WIPI2: variants seen among roughly 807,000 people sequenced by gnomAD.
The protein encoded by WIPI2 is WD repeat domain phosphoinositide-interacting protein 2.
A neutral mutation model predicts 52.3 loss-of-function variants in WIPI2; 28 were observed. That is an observed-to-expected ratio of 0.54 (90% CI 0.40 to 0.73). The LOEUF (loss-of-function observed/expected upper bound fraction) is 0.73, where lower values mean the gene tolerates loss of function less well. Among genes scored for constraint, WIPI2 ranks in the 30% least tolerant of loss-of-function variants. The pLI is 0.00. For synonymous variants in WIPI2, 268 were observed against 245.0 expected (o/e 1.09, Z -0.88); for missense variants, 506 against 602.9 (o/e 0.84, Z 1.68).
intron 2 of WIPI2, chr7:5,193,459 G>A: frequency 1.5e-6 from 1 of 673,998 alleles, no homozygotes; most frequent in Non-Finnish European, 2.1e-6. Flanking sequence ...TGAAGTGTGT[G>A]GAGACAACAG....
At chr7:5,197,496 C>T (rs1214824592) in intron 2 of WIPI2, among the ~76,000 whole-genome samples, 8 of 152,188 alleles carry the variant, frequency 5.3e-5, no homozygotes, top group Admixed American at 2.0e-4. Context: ...ATTGATACAA[C>T]AATTGATGTA....
chr7:5,193,004 T>G lies in WIPI2; in HGVS notation c.75-114T>G, dbSNP rs189171187. 6.1e-4 allele frequency: 582 copies of G among 959,790 alleles called. 6 individuals carry two copies. The African/African-American group carries it at 8.3e-3, about 14-fold the overall frequency. 59.5% of individuals were successfully genotyped at this position (959,790 alleles called of 1,614,324 possible). A position where few individuals can be genotyped will look rare whatever the true frequency, so the allele number is the denominator to read the frequency against. ...CTATAACTGTCCTGCCTTTCTTTAC[T>G]GGTAATATGATTTCCAATGTCGTAC... On this transcript the variant is annotated intron_variant, in intron 1 of 12. Coordinates refer to ENST00000288828, the MANE Select transcript of WIPI2 (RefSeq NM_015610.4).
At position 5,232,904 on chromosome 7, in the gene WIPI2, T is replaced by G. The variant is rs1344290630; in HGVS notation, c.*1957T>G. ...TTCCTTTGCCAGGTCTCTTTTGTCT[T>G]TCTTTGGGATTGGTAGTATAGAAGA... On this transcript the variant is annotated 3_prime_UTR_variant, in exon 13 of 13. Transcript: ENST00000288828. The G allele has an allele frequency of 6.6e-6, 1 of 152,314 alleles. No individual in the cohort carries two copies. Among genetic ancestry groups the G allele is most frequent in the Non-Finnish European group, 1.5e-5 (1 of 68,082 alleles). 9.4% of individuals were successfully genotyped at this position (152,314 alleles called of 1,614,324 possible).
intron 2 of WIPI2, among the ~76,000 whole-genome samples, chr7:5,193,522 G>T (rs1188771961): frequency 1.3e-5 from 2 of 152,168 alleles, no homozygotes; most frequent in African/African-American, 2.4e-5. Flanking sequence ...TGCTTATTGT[G>T]CTGGGAAGGT....
At chr7:5,198,462 T>C (rs1249345863) in intron 2 of WIPI2, among the ~76,000 whole-genome samples, 1 of 152,120 alleles carries the variant, frequency 6.6e-6, no homozygotes, top group Non-Finnish European at 1.5e-5. Context: ...TACAGGCGCC[T>C]TCCACCATGC....
At position 5,190,242 on chromosome 7, in the gene WIPI2, GC is replaced by G. The variant is rs1245252084; in HGVS notation, c.-174del. ...GCGGGGCCGCGCAGGCGTACCGGGTGCCCCGGCTCTGGAGCATAAACAAGAG... is the reference window on the plus strand; with the variant it reads ...GCGGGGCCGCGCAGGCGTACCGGGTGCCCGGCTCTGGAGCATAAACAAGAG... On this transcript the variant is annotated 5_prime_UTR_variant, in exon 1 of 13. Transcript: ENST00000288828. 1 of 319,982 alleles carries G rather than the reference GC, an allele frequency of 3.1e-6. No homozygotes were observed. Among genetic ancestry groups the G allele is most frequent in the Non-Finnish European group, 5.4e-6 (1 of 184,544 alleles). The allele number at this position is 319,982 out of a possible 1,614,324, so 19.8% of individuals were successfully genotyped here.
At chr7:5,229,794 C>T in intron 12 of WIPI2, 56 bp downstream of exon 12, 3 of 1,598,552 alleles carry the variant, frequency 1.9e-6, no homozygotes, top group South Asian at 2.2e-5. Context: ...CCGAGTGCTA[C>T]TGCCTTCTGC....
intron 8 of WIPI2, among the ~76,000 whole-genome samples, chr7:5,223,449 G>T (rs888630275): frequency 1.3e-5 from 2 of 152,082 alleles, no homozygotes; most frequent in Admixed American, 6.5e-5. Context: ...GGTGCAGCAG[G>T]TGCACCTCAG....
At chr7:5,224,222 G>A (rs1299087085) in intron 8 of WIPI2, among the ~76,000 whole-genome samples, 3 of 152,236 alleles carry the variant, frequency 2.0e-5, no homozygotes, top group African/African-American at 4.8e-5. Context: ...CCAGGGTCTT[G>A]CGTGAGCTGG....
chr7:5,229,765 G>C (rs770666726), intron 12 of WIPI2, 27 bp downstream of exon 12: 13 of 1,612,544 alleles, frequency 8.1e-6, no homozygotes, highest in Non-Finnish European at 1.1e-5. Context: ...AAACCTGGAA[G>C]GTAATTAGCC....
chr7:5,213,976 C>A (rs931430958), intron 3 of WIPI2, among the ~76,000 whole-genome samples: 1 of 152,214 alleles, frequency 6.6e-6, no homozygotes, highest in African/African-American at 2.4e-5. Flanking sequence ...TGAGCCACCG[C>A]GCCCGGCCCC....
At chr7:5,202,038 G>A (rs188008990) in intron 3 of WIPI2, among the ~76,000 whole-genome samples, 168 of 152,068 alleles carry the variant, frequency 1.1e-3, no homozygotes, top group African/African-American at 3.9e-3. Flanking sequence ...TTTTTCTATA[G>A]GTGGACTCAG....
In WIPI2 at chr7:5,231,038, G is replaced by A. The variant is rs771322664; in HGVS notation, c.*91G>A. On this transcript the variant is annotated 3_prime_UTR_variant, in exon 13 of 13. Coordinates refer to ENST00000288828, the MANE Select transcript of WIPI2 (RefSeq NM_015610.4). ...GCTGCTATGAACTTTGACCTGAGTC[G>A]GGGGAGAGGATGGCAGAGACTTTAT... is the stretch of plus-strand genomic sequence containing the variant. 3.7e-6 allele frequency: 4 copies of A among 1,072,072 alleles called. No homozygotes were observed. Among genetic ancestry groups the A allele is most frequent in the East Asian group, 2.8e-5 (1 of 35,584 alleles). 66.4% of individuals were successfully genotyped at this position (1,072,072 alleles called of 1,614,324 possible). A position where few individuals can be genotyped will look rare whatever the true frequency, so the allele number is the denominator to read the frequency against.
chr7:5,190,668 G>T, intron 1 of WIPI2, 175 bp downstream of exon 1: 1 of 515,048 alleles, frequency 1.9e-6, no homozygotes, highest in Non-Finnish European at 3.1e-6. Flanking sequence ...GCGCCCTCCA[G>T]GGAGACCCTC....
intron 3 of WIPI2, among the ~76,000 whole-genome samples, chr7:5,200,101 G>A (rs555971345): frequency 2.0e-5 from 3 of 152,340 alleles, no homozygotes; most frequent in East Asian, 1.9e-4. Flanking sequence ...ATGGAACAGC[G>A]GGAGGTCATG....
intron 4 of WIPI2, 60 bp downstream of exon 4, chr7:5,214,764 A>T (rs541387765): frequency 6.3e-7 from 1 of 1,583,458 alleles, no homozygotes; most frequent in East Asian, 2.2e-5. Context: ...ACTCTGGGAC[A>T]AGCCCACCCC....
intron 2 of WIPI2, chr7:5,193,399 G>A: frequency 8.0e-7 from 1 of 1,252,240 alleles, no homozygotes; most frequent in Non-Finnish European, 1.0e-6. Context: ...GGGATGGAAT[G>A]AAGAAAGGGA....
rs773150620 is a variant in WIPI2 at position 5,230,914 on chromosome 7, C to T, written c.1332C>T (p.Ser444=). 23 of 1,613,580 alleles carry T rather than the reference C, an allele frequency of 1.4e-5. No individual in the cohort carries two copies. The Middle Eastern group carries it at 4.9e-4, about 35-fold the overall frequency. ...EASALRLDED[S]EHPPMILRTD ...GCGCCCTGCGCCTGGATGAGGACAG[C>T]GAGCACCCGCCCATGATTCTTCGGA... is the stretch of plus-strand genomic sequence containing the variant. Residue 444 remains serine, a synonymous_variant, in exon 13 of 13, where the codon AGC becomes AGT. Transcript: ENST00000288828. The surrounding 1 kb of genome is among the most constrained non-coding windows in gnomAD (Gnocchi z 4.8).
chr7:5,196,255 A>G (rs1781739332), intron 2 of WIPI2, among the ~76,000 whole-genome samples: 1 of 152,108 alleles, frequency 6.6e-6, no homozygotes, highest in African/African-American at 2.4e-5. Context: ...AGGCTGAGGC[A>G]GGAGAATCGC....
Sources: allele counts gnomAD v4.1 joint callset (sites outside exome capture counted in the v4.1 genomes callset), GRCh38; gene constraint gnomAD v4.1.1; non-coding constraint Gnocchi (gnomAD v3.1); transcripts MANE v1.5; gene names NCBI Gene and HGNC (gene_info 2026-07-23, HGNC 2026-07-21).